NTM: variants seen among roughly 807,000 people sequenced by gnomAD.
NTM encodes neurotrimin.
NTM carries 13 observed loss-of-function variants against 42.1 expected under a neutral mutation model. The ratio of observed to expected loss-of-function variants is 0.31; its 90% CI spans 0.20 to 0.49. NTM has a LOEUF of 0.49. NTM is among the 20% of genes least tolerant of loss of function. The pLI, the probability that NTM is intolerant of heterozygous loss-of-function variation, is 0.99. For synonymous variants in NTM, 187 were observed against 179.2 expected (o/e 1.04, Z -0.35); for missense variants, 373 against 452.8 (o/e 0.82, Z 1.60).
At chr11:131,594,643 C>T (rs1406435952) in intron 1 of NTM, among the ~76,000 whole-genome samples, 1 of 152,196 alleles carries the variant, frequency 6.6e-6, no homozygotes, top group African/African-American at 2.4e-5. Context: ...AAGCCGTCCT[C>T]TTACCTCAGC....
chr11:131,732,594 C>T (rs979552725), intron 1 of NTM, among the ~76,000 whole-genome samples: 16 of 152,302 alleles, frequency 1.1e-4, no homozygotes, highest in South Asian at 8.3e-4. Flanking sequence ...TTGATTTCCA[C>T]GGGTGTTTCA....
chr11:131,619,098 A>T lies in NTM; in HGVS notation c.82+248210A>T, dbSNP rs1439388803. ...GAAGAGCTCTGCCTTTGGAGGGCGT[A>T]GCTGGAGTTTCTGAGATGCAGTAGC... On this transcript the variant is annotated intron_variant, in intron 1 of 8. Transcript: ENST00000683400. Among the ~76,000 whole-genome samples, 6 of 152,230 alleles carry T rather than the reference A, an allele frequency of 3.9e-5. No homozygotes were observed. In the South Asian group the frequency reaches 6.2e-4, roughly 16 times the overall value.
intron 1 of NTM, among the ~76,000 whole-genome samples, chr11:131,723,991 A>C (rs1319025361): frequency 1.3e-5 from 2 of 152,232 alleles, no homozygotes; most frequent in East Asian, 3.8e-4. Context: ...TGAAGTTTCA[A>C]AATAATTTCC....
rs1024478981 is a variant in NTM, at chr11:131,639,590, A to G, written c.82+268702A>G. On this transcript the variant is annotated intron_variant, in intron 1 of 8. Transcript: ENST00000683400. ...GTAGAAGAATCTCTTTCTGAAGCAC[A>G]ACCGTTGCCTCTGCCCCACCATGCA... is the stretch of plus-strand genomic sequence containing the variant. Among the ~76,000 whole-genome samples the G allele has an allele frequency of 9.9e-5, 15 of 152,188 alleles. No homozygotes were observed. The East Asian group carries it at 2.7e-3, about 27-fold the overall frequency.
At chr11:131,721,191 A>T (rs1028899296) in intron 1 of NTM, among the ~76,000 whole-genome samples, 4 of 151,996 alleles carry the variant, frequency 2.6e-5, no homozygotes, top group Non-Finnish European at 4.4e-5. Flanking sequence ...TAACTCAGCT[A>T]ATTAGTAGCA....
intron 2 of NTM, among the ~76,000 whole-genome samples, chr11:132,136,964 G>A (rs1021179541): frequency 6.6e-6 from 1 of 152,298 alleles, no homozygotes; most frequent in South Asian, 2.1e-4. Context: ...CATGGGAGGA[G>A]CAAGGTAATT....
intron 2 of NTM, among the ~76,000 whole-genome samples, chr11:131,999,345 A>G (rs2068728730): frequency 6.6e-6 from 1 of 152,206 alleles, no homozygotes; most frequent in Non-Finnish European, 1.5e-5. Context: ...CAATAATTCA[A>G]GCAGCACGAG....
intron 1 of NTM, among the ~76,000 whole-genome samples, chr11:131,496,988 C>T (rs527810299): frequency 1.1e-4 from 16 of 152,236 alleles, no homozygotes; most frequent in Admixed American, 2.0e-4. Context: ...GGTGCTGTTA[C>T]TGCATTCTCT....
chr11:132,038,587 G>A (rs375034780), intron 2 of NTM, among the ~76,000 whole-genome samples: 18 of 152,198 alleles, frequency 1.2e-4, no homozygotes, highest in South Asian at 2.1e-4. Flanking sequence ...GCAAGTGTGC[G>A]TGTGTAGCGT....
intron 1 of NTM, among the ~76,000 whole-genome samples, chr11:131,895,381 G>A (rs888008245): frequency 3.9e-5 from 6 of 152,150 alleles, no homozygotes; most frequent in East Asian, 1.9e-4. Context: ...TTACAGCTTC[G>A]TTTTCTCATG....
At chr11:132,145,284 G>A (rs1310906627) in intron 2 of NTM, among the ~76,000 whole-genome samples, 1 of 152,174 alleles carries the variant, frequency 6.6e-6, no homozygotes, top group African/African-American at 2.4e-5. Context: ...AAACATCAAA[G>A]GAGACATTGA....
chr11:131,432,977 C>T lies in NTM; in HGVS notation c.82+62089C>T, dbSNP rs1409501944. ...TCATGCCATTCTCCTGCCTCAGCCT[C>T]CCAAGTAGCTGGGACTGCAGGCGCC... On this transcript the variant is annotated intron_variant, in intron 1 of 8. Transcript: ENST00000683400. Among the ~76,000 whole-genome samples the T allele has an allele frequency of 3.3e-5, 5 of 151,260 alleles. 1 individual carries two copies. Among genetic ancestry groups the T allele is most frequent in the Admixed American group, 3.3e-4 (5 of 15,148 alleles).
intron 1 of NTM, among the ~76,000 whole-genome samples, chr11:131,442,206 T>G (rs1949678789): frequency 6.6e-6 from 1 of 152,186 alleles, no homozygotes. Context: ...TTGTGGCATT[T>G]TTGACAAGGG....
intron 3 of NTM, among the ~76,000 whole-genome samples, chr11:132,163,917 G>A (rs1024603030): frequency 1.3e-5 from 2 of 151,908 alleles, no homozygotes; most frequent in Non-Finnish European, 1.5e-5. Context: ...TTTACTCCTG[G>A]ATGTTTCTGT....
At chr11:131,558,124 C>T (rs1311406129) in intron 1 of NTM, among the ~76,000 whole-genome samples, 1 of 152,192 alleles carries the variant, frequency 6.6e-6, no homozygotes, top group South Asian at 2.1e-4. Context: ...GAAACAGACA[C>T]CATTCTGTGC....
chr11:131,732,706 A>G (rs780970394), intron 1 of NTM, among the ~76,000 whole-genome samples: 8 of 152,182 alleles, frequency 5.3e-5, no homozygotes, highest in Non-Finnish European at 1.0e-4. Flanking sequence ...GGCTTGAGAT[A>G]ATGGGTTTTA....
rs374955586 is a variant in NTM at position 132,070,874 on chromosome 11, G to A, written c.168-75408G>A. 3.6e-5 allele frequency among the ~76,000 whole-genome samples: 5 copies of A among 138,660 alleles called. No individual in the cohort carries two copies. The East Asian group carries it at 6.9e-4, about 19-fold the overall frequency. The allele number at this position is 138,660 out of a possible 152,430, so 91.0% of individuals were successfully genotyped here. A position where few individuals can be genotyped will look rare whatever the true frequency, so the allele number is the denominator to read the frequency against. On this transcript the variant is annotated intron_variant, in intron 2 of 8. Transcript: ENST00000683400. ...CTGACCATCACAGGTTAGTTAACAC[G>A]TCACTCAGCCAAGTTAACACGTCAC...
At chr11:131,713,209 A>T (rs1169675171) in intron 1 of NTM, among the ~76,000 whole-genome samples, 2 of 151,732 alleles carry the variant, frequency 1.3e-5, no homozygotes, top group African/African-American at 4.8e-5. Context: ...AAACGGAAAC[A>T]TGGTTAAGTA....
Position 132,045,927 on chromosome 11 carries a change from A to G in NTM, c.168-100355A>G, listed in dbSNP as rs1399070370. ...GTTGTTTTGGATGGGAAAGTAAACAATGAGTGAATACTGCTATTCTCGTTC... is the reference window on the plus strand; with the variant it reads ...GTTGTTTTGGATGGGAAAGTAAACAGTGAGTGAATACTGCTATTCTCGTTC... On this transcript the variant is annotated intron_variant, in intron 2 of 8. Coordinates refer to ENST00000683400, the MANE Select transcript of NTM (RefSeq NM_001352005.2). Among the ~76,000 whole-genome samples, 3 of 152,210 alleles carry G rather than the reference A, an allele frequency of 2.0e-5. No homozygotes were observed. The East Asian group carries it at 5.8e-4, about 29-fold the overall frequency.
Sources: gnomAD v4.1 joint callset for allele counts (sites outside exome capture counted in the v4.1 genomes callset) on GRCh38, gnomAD v4.1.1 for gene constraint, MANE v1.5 for transcripts, NCBI Gene and HGNC (gene_info 2026-07-23, HGNC 2026-07-21) for gene names.